The following RAP1GDS1 variants were observed in gnomAD, a reference collection of about 807,000 sequenced individuals.
The protein encoded by RAP1GDS1 is Rap1 GTPase-GDP dissociation stimulator 1.
In RAP1GDS1, 35 loss-of-function variants were observed where a neutral mutation model predicts 71.1. The observed-to-expected ratio is 0.49, with a 90% CI of 0.38 to 0.65. The LOEUF (loss-of-function observed/expected upper bound fraction) is 0.65, where lower values mean the gene tolerates loss of function less well. Ranked by LOEUF, RAP1GDS1 falls within the 30% of genes least tolerant of loss-of-function variation. The probability of loss-of-function intolerance (pLI) is 0.00; values close to 1 mark genes in which losing one functional copy is unlikely to be tolerated. For synonymous variants in RAP1GDS1, 229 were observed against 243.1 expected (o/e 0.94, Z 0.54); for missense variants, 663 against 706.1 (o/e 0.94, Z 0.69).
intron 3 of RAP1GDS1, among the ~76,000 whole-genome samples, chr4:98,348,073 G>C (rs540290787): frequency 2.6e-5 from 4 of 151,958 alleles, no homozygotes; most frequent in Non-Finnish European, 4.4e-5. Flanking sequence ...CCATTAACTC[G>C]TCATTTACAT....
At chr4:98,434,239 G>A (rs1476118753) in intron 13 of RAP1GDS1, among the ~76,000 whole-genome samples, 177 bp downstream of exon 13, 1 of 152,044 alleles carries the variant, frequency 6.6e-6, no homozygotes, top group Non-Finnish European at 1.5e-5. Context: ...GTCCCCTTTG[G>A]CTGTGTTTTT....
At position 98,314,515 on chromosome 4, in the gene RAP1GDS1, T is replaced by C. The variant is rs139980308; in HGVS notation, c.112+21000T>C. Among the ~76,000 whole-genome samples the C allele has an allele frequency of 6.5e-4, 99 of 152,314 alleles. 2 individuals carry two copies. The East Asian group carries it at 0.014, about 22-fold the overall frequency. On this transcript the variant is annotated intron_variant, in intron 2 of 14. Transcript: ENST00000408927. ...ACTTGCTTCATCTTTAGTATTCCCA[T>C]AGCAGTTTATACATCCCTCCAGTTG...
chr4:98,334,880 T>A (rs1357404021), intron 2 of RAP1GDS1, among the ~76,000 whole-genome samples: 43 of 133,436 alleles, frequency 3.2e-4, no homozygotes, highest in Admixed American at 6.4e-4. Flanking sequence ...GAGTTTTATA[T>A]CAACACCAGT....
rs1748595735 is a variant in RAP1GDS1, at chr4:98,420,087, A to T, written c.1243A>T (p.Met415Leu). ...AGTTTTGAAATTTCTTAAATCTGAA[A>T]TGCCTCCTGTTCAGTTCAAACTTCT... The part of the protein sequence containing the change: ...EAVLKFLKSE[M>L]PPVQFKLLGT... The change falls in exon 11 of 15, where the codon ATG becomes TTG. Residue 415 changes from methionine to leucine, a missense_variant. Met to Leu is a conservative substitution (Grantham distance 15). Transcript: ENST00000408927. 1.2e-6 allele frequency: 2 copies of T among 1,607,878 alleles called. No homozygotes were observed. Among genetic ancestry groups the T allele is most frequent in the Non-Finnish European group, 1.7e-6 (2 of 1,176,492 alleles).
chr4:98,316,992 G>C (rs930697560), intron 2 of RAP1GDS1, among the ~76,000 whole-genome samples: 12 of 152,126 alleles, frequency 7.9e-5, no homozygotes, highest in African/African-American at 2.9e-4. Flanking sequence ...TTTCCCAGTT[G>C]CTTTGCTCTG....
chr4:98,295,278 C>T (rs1727568847), intron 2 of RAP1GDS1, among the ~76,000 whole-genome samples: 1 of 152,072 alleles, frequency 6.6e-6, no homozygotes, highest in Admixed American at 6.6e-5. Context: ...ATGTTAAGGC[C>T]ACGTAACCAC....
At chr4:98,262,159 G>T (rs1475308910) in intron 1 of RAP1GDS1, among the ~76,000 whole-genome samples, 4 of 152,234 alleles carry the variant, frequency 2.6e-5, no homozygotes, top group Admixed American at 1.3e-4. Context: ...CTTGTCAGAG[G>T]CCACGAGGAA....
chr4:98,394,732 C>T (rs1335628198), intron 6 of RAP1GDS1, among the ~76,000 whole-genome samples: 1 of 152,068 alleles, frequency 6.6e-6, no homozygotes, highest in Non-Finnish European at 1.5e-5. Context: ...AAATAACTTA[C>T]ATATTTGAAC....
At chr4:98,441,409 T>G (rs1199284322) in intron 14 of RAP1GDS1, 1 of 984,484 alleles carries the variant, frequency 1.0e-6, no homozygotes, top group Non-Finnish European at 1.2e-6. Context: ...GGATATGAAG[T>G]ATAAACTTTT....
At chr4:98,393,519 TAAAAC>T in intron 6 of RAP1GDS1, among the ~76,000 whole-genome samples, 1 of 152,326 alleles carries the variant, frequency 6.6e-6, no homozygotes, top group South Asian at 2.1e-4. Context: ...TTGGCAGAAA[TAAAAC>T]AGAAATTGTG....
At chr4:98,266,248 A>G (rs1722703330) in intron 1 of RAP1GDS1, among the ~76,000 whole-genome samples, 1 of 152,078 alleles carries the variant, frequency 6.6e-6, no homozygotes, top group Non-Finnish European at 1.5e-5. Flanking sequence ...TGTCTTTGTG[A>G]CTTAGTATAG....
chr4:98,442,261 TC>T lies in RAP1GDS1; in HGVS notation c.*147del. 8 of 1,136,230 alleles carry T rather than the reference TC, an allele frequency of 7.0e-6. No homozygotes were observed. Among genetic ancestry groups the T allele is most frequent in the Non-Finnish European group, 9.6e-6 (8 of 835,838 alleles). 70.4% of individuals were successfully genotyped at this position (1,136,230 alleles called of 1,614,324 possible). A position where few individuals can be genotyped will look rare whatever the true frequency, so the allele number is the denominator to read the frequency against. ...CAATTGAAGAACCGCTGTAGGTACC[TC>T]CCTAATAAGATTTCTAAACCTATAG... is the stretch of plus-strand genomic sequence containing the variant. On this transcript the variant is annotated 3_prime_UTR_variant, in exon 15 of 15. Coordinates refer to ENST00000408927, the MANE Select transcript of RAP1GDS1 (RefSeq NM_001100427.2).
At chr4:98,282,921 T>C (rs1259920672) in intron 1 of RAP1GDS1, among the ~76,000 whole-genome samples, 8 of 152,272 alleles carry the variant, frequency 5.3e-5, no homozygotes, top group Admixed American at 2.6e-4. Flanking sequence ...TCCATGTAGT[T>C]GTGTGGTTTT....
At chr4:98,429,490 T>C (rs1750098887) in intron 12 of RAP1GDS1, among the ~76,000 whole-genome samples, 1 of 152,016 alleles carries the variant, frequency 6.6e-6, no homozygotes, top group African/African-American at 2.4e-5. Flanking sequence ...CTTTGGGGAC[T>C]TAGGGGTAAA....
At chr4:98,415,171 G>A (rs1747754301) in intron 7 of RAP1GDS1, among the ~76,000 whole-genome samples, 1 of 152,130 alleles carries the variant, frequency 6.6e-6, no homozygotes, top group Non-Finnish European at 1.5e-5. Flanking sequence ...AGAAGAATAT[G>A]GCTCTATTCT....
chr4:98,431,983 G>T (rs531988657), intron 12 of RAP1GDS1, among the ~76,000 whole-genome samples: 27 of 152,106 alleles, frequency 1.8e-4, no homozygotes, highest in Non-Finnish European at 3.2e-4. Flanking sequence ...TGCACAACGT[G>T]CAGATTTGTT....
intron 13 of RAP1GDS1, among the ~76,000 whole-genome samples, chr4:98,434,370 A>G (rs911327039): frequency 8.5e-5 from 13 of 152,136 alleles, no homozygotes; most frequent in Admixed American, 7.9e-4. Context: ...ACCAAACAAT[A>G]TTTAGAATAT....
intron 5 of RAP1GDS1, among the ~76,000 whole-genome samples, chr4:98,380,205 G>C (rs969256402): frequency 6.6e-6 from 1 of 151,798 alleles, no homozygotes; most frequent in Non-Finnish European, 1.5e-5. Context: ...CTATTGAAAG[G>C]GGAAAACCAC....
chr4:98,361,426 T>C (rs1371811720), intron 4 of RAP1GDS1, among the ~76,000 whole-genome samples: 1 of 152,160 alleles, frequency 6.6e-6, no homozygotes, highest in African/African-American at 2.4e-5. Context: ...CTTTATAATT[T>C]GTGTATAAAG....
Sources: gnomAD v4.1 joint callset for allele counts (sites outside exome capture counted in the v4.1 genomes callset) on GRCh38, gnomAD v4.1.1 for gene constraint, MANE v1.5 for transcripts, NCBI Gene and HGNC (gene_info 2026-07-23, HGNC 2026-07-21) for gene names.